The following EYS variants were observed in gnomAD, a reference collection of about 807,000 sequenced individuals.
The protein encoded by EYS is EGF-like photoreceptor maintenance factor.
In EYS, 250 loss-of-function variants were observed where a neutral mutation model predicts 282.1. The ratio of observed to expected loss-of-function variants is 0.89; its 90% CI spans 0.80 to 0.98. The LOEUF (loss-of-function observed/expected upper bound fraction) is 0.98, where lower values mean the gene tolerates loss of function less well. Ranked by LOEUF, EYS falls within the 50% of genes least tolerant of loss-of-function variation. The pLI, the probability that EYS is intolerant of heterozygous loss-of-function variation, is 0.00. For missense variants in EYS, 4,016 were observed against 3,709.0 expected (o/e 1.08, Z -2.15); for synonymous variants, 1,355 against 1,282.9 (o/e 1.06, Z -1.20).
intron 31 of EYS, among the ~76,000 whole-genome samples, chr6:64,126,921 C>A (rs57723749): frequency 0.019 from 2,929 of 152,026 alleles, 80 homozygotes; most frequent in African/African-American, 0.066. Context: ...GGTGCCTAGT[C>A]CAATGCCTAT....
chr6:65,529,102 T>C (rs1036334426), intron 2 of EYS, among the ~76,000 whole-genome samples: 38 of 152,264 alleles, frequency 2.5e-4, no homozygotes, highest in African/African-American at 6.5e-4. Context: ...TTATGACTGA[T>C]TAGGCTTTAG....
chr6:65,331,780 T>C, intron 11 of EYS: 1 of 933,712 alleles, frequency 1.1e-6, no homozygotes, highest in Non-Finnish European at 1.3e-6. Context: ...CTTACTACTT[T>C]TCCTTATCAA....
At chr6:64,892,487 C>G (rs983113594) in intron 18 of EYS, among the ~76,000 whole-genome samples, 3 of 151,880 alleles carry the variant, frequency 2.0e-5, no homozygotes, top group East Asian at 1.9e-4. Context: ...ACTTTTAAGC[C>G]TATGTTAAAG....
At chr6:64,379,659 G>C (rs1205782384) in intron 29 of EYS, 1 of 152,114 alleles carries the variant, frequency 6.6e-6, no homozygotes, top group Non-Finnish European at 1.5e-5. Context: ...CACCAGATGG[G>C]AGTCTCTCAA....
At chr6:64,472,512 C>A (rs556534425) in intron 26 of EYS, among the ~76,000 whole-genome samples, 7 of 152,240 alleles carry the variant, frequency 4.6e-5, no homozygotes, top group African/African-American at 1.7e-4. Flanking sequence ...TGGCCACCTT[C>A]AGAATATCAA....
chr6:65,644,561 A>T (rs1313708196), intron 1 of EYS, among the ~76,000 whole-genome samples: 2 of 152,206 alleles, frequency 1.3e-5, no homozygotes, highest in African/African-American at 4.8e-5. Context: ...AAACACTCAA[A>T]GAACACCTGG....
At chr6:64,342,872 A>C (rs553010512) in intron 29 of EYS, among the ~76,000 whole-genome samples, 25 of 152,284 alleles carry the variant, frequency 1.6e-4, no homozygotes, top group African/African-American at 5.8e-4. Flanking sequence ...TCTACCAAGC[A>C]AATGGAAAAC....
chr6:64,806,125 T>C (rs1764415094), intron 22 of EYS, among the ~76,000 whole-genome samples: 1 of 151,752 alleles, frequency 6.6e-6, no homozygotes, highest in Non-Finnish European at 1.5e-5. Flanking sequence ...GTAATAGTCA[T>C]AAATTTAGAG....
At chr6:63,763,870 T>TTTTATA (rs1185179091) in intron 40 of EYS, among the ~76,000 whole-genome samples, 8 of 129,664 alleles carry the variant, frequency 6.2e-5, no homozygotes, top group African/African-American at 1.1e-4. Context: ...TTATATCTTG[T>TTTTATA]TATATATATA....
intron 35 of EYS, among the ~76,000 whole-genome samples, chr6:63,908,365 G>A (rs1397002019): frequency 6.6e-6 from 1 of 152,080 alleles, no homozygotes; most frequent in Non-Finnish European, 1.5e-5. Context: ...TTTGGTAAAT[G>A]TAAATTAGTA....
chr6:63,765,163 G>A (rs750942279), intron 40 of EYS, among the ~76,000 whole-genome samples: 2 of 151,950 alleles, frequency 1.3e-5, no homozygotes, highest in African/African-American at 4.8e-5. Context: ...TTTTTTACAG[G>A]CTAGCTGTCT....
At chr6:64,712,175 AG>A (rs1771236721) in intron 22 of EYS, among the ~76,000 whole-genome samples, 1 of 152,236 alleles carries the variant, frequency 6.6e-6, no homozygotes, top group Admixed American at 6.5e-5. Flanking sequence ...ATTCCATAAC[AG>A]AAAAAGACAT....
intron 22 of EYS, among the ~76,000 whole-genome samples, chr6:64,661,652 A>C (rs71570690): frequency 6.1e-5 from 9 of 146,628 alleles, no homozygotes; most frequent in Non-Finnish European, 1.3e-4. Context: ...TCACTGGCCA[A>C]CAGAGAAATG....
chr6:64,614,361 A>C (rs887812537), intron 24 of EYS, among the ~76,000 whole-genome samples: 2 of 152,126 alleles, frequency 1.3e-5, no homozygotes, highest in Non-Finnish European at 2.9e-5. Flanking sequence ...GCAATGCATC[A>C]TGTGTTTAAA....
At chr6:65,272,038 A>C (rs1253519417) in intron 12 of EYS, among the ~76,000 whole-genome samples, 1 of 152,182 alleles carries the variant, frequency 6.6e-6, no homozygotes. Flanking sequence ...GATTGTGTAC[A>C]TGCGCTTAAA....
chr6:65,615,569 A>G (rs933750885), intron 2 of EYS, among the ~76,000 whole-genome samples: 2 of 152,022 alleles, frequency 1.3e-5, no homozygotes, highest in African/African-American at 4.8e-5. Context: ...CCAGATATAT[A>G]TATTTGATTT....
At chr6:65,329,708 G>A (rs9354228) in intron 11 of EYS, 571,249 of 973,600 alleles carry the variant, frequency 0.59, 171,719 homozygotes, top group East Asian at 0.9. Context: ...GGACATCACG[G>A]CAGAAATTAC....
chr6:64,233,348 T>C (rs1766486416), intron 30 of EYS, among the ~76,000 whole-genome samples: 1 of 152,202 alleles, frequency 6.6e-6, no homozygotes, highest in South Asian at 2.1e-4. Flanking sequence ...TTGGAAGTTA[T>C]AGATGATGTC....
intron 4 of EYS, 121 bp from the exon 5 acceptor site, chr6:65,490,828 C>A: frequency 1.5e-6 from 1 of 672,258 alleles, no homozygotes; most frequent in East Asian, 2.7e-5. Context: ...AGTTATGAAA[C>A]CATGTTATAC....
Sources: gnomAD v4.1 joint callset for allele counts (sites outside exome capture counted in the v4.1 genomes callset) on GRCh38, gnomAD v4.1.1 for gene constraint, MANE v1.5 for transcripts, NCBI Gene and HGNC (gene_info 2026-07-23, HGNC 2026-07-21) for gene names.